Variants in PRH1 observed in about 807,000 individuals in gnomAD.
The protein encoded by PRH1 is proline rich protein HaeIII subfamily 1.
Under a neutral mutation model 7.9 loss-of-function variants are expected in PRH1, and 7 were observed. The observed-to-expected ratio is 0.89, with a 90% CI of 0.50 to 1.67. PRH1 has a LOEUF of 1.67. Ranked by LOEUF, PRH1 falls within the 40% of genes most tolerant of loss-of-function variation. The pLI is 0.00. For synonymous variants in PRH1, 45 were observed against 80.8 expected, an observed-to-expected ratio of 0.56 and a Z score of 2.38; for missense variants, 109 against 223.6, an observed-to-expected ratio of 0.49 and a Z score of 3.27.
chr12:11,089,330 A>C (rs1164188922), intron 1 of PRH1, among the ~76,000 whole-genome samples: 1 of 116,080 alleles, frequency 8.6e-6, no homozygotes, highest in African/African-American at 2.9e-5. Context: ...TAAGAAATAG[A>C]AGACTAATGA....
intron 1 of PRH1, among the ~76,000 whole-genome samples, chr12:10,998,226 C>T (rs1409298327): frequency 6.6e-6 from 1 of 152,128 alleles, no homozygotes; most frequent in Non-Finnish European, 1.5e-5. Context: ...TCTTTCATTG[C>T]TTTGCAATTT....
At chr12:11,152,720 T>C (rs1169682521) in intron 1 of PRH1, among the ~76,000 whole-genome samples, 1 of 152,238 alleles carries the variant, frequency 6.6e-6, no homozygotes, top group Non-Finnish European at 1.5e-5. Context: ...CAAAGTATAA[T>C]TTCCATGCCC....
intron 1 of PRH1, among the ~76,000 whole-genome samples, chr12:11,084,191 A>T (rs1944599968): frequency 4.0e-5 from 1 of 25,280 alleles, no homozygotes; most frequent in African/African-American, 6.6e-5. Context: ...GGCTCTTGGG[A>T]TTGTAACGGG....
At chr12:10,930,203 A>T in intron 2 of PRH1, 2 of 1,557,922 alleles carry the variant, frequency 1.3e-6, no homozygotes, top group Non-Finnish European at 1.8e-6. Flanking sequence ...TTATCCTCGT[A>T]GAACACTATG....
intron 1 of PRH1, among the ~76,000 whole-genome samples, chr12:10,999,319 A>G (rs1940464222): frequency 6.6e-6 from 1 of 152,156 alleles, no homozygotes; most frequent in Non-Finnish European, 1.5e-5. Context: ...TAAAACTAGA[A>G]GAAAACTTTT....
chr12:10,932,282 C>T (rs1458110326), intron 2 of PRH1: 1 of 408,622 alleles, frequency 2.4e-6, no homozygotes, highest in Admixed American at 2.4e-5. Flanking sequence ...TGTGATCATG[C>T]TCTAACTTCA....
At chr12:11,102,115 C>G (rs1050210977) in intron 1 of PRH1, among the ~76,000 whole-genome samples, 22 of 152,036 alleles carry the variant, frequency 1.4e-4, no homozygotes, top group Non-Finnish European at 1.3e-4. Context: ...GGCCATACTT[C>G]CCAAGGTAAT....
chr12:10,934,303 C>T (rs1794749106), intron 2 of PRH1, among the ~76,000 whole-genome samples: 1 of 152,120 alleles, frequency 6.6e-6, no homozygotes, highest in Non-Finnish European at 1.5e-5. Context: ...AAGATAACTA[C>T]AGCTCCTCTA....
intron 2 of PRH1, among the ~76,000 whole-genome samples, chr12:10,918,002 G>T (rs1351479424): frequency 6.6e-6 from 1 of 152,136 alleles, no homozygotes; most frequent in Non-Finnish European, 1.5e-5. Flanking sequence ...AGAAACATTA[G>T]GTCTTTATAG....
intron 1 of PRH1, among the ~76,000 whole-genome samples, chr12:11,011,411 C>T (rs1357127192): frequency 6.6e-6 from 1 of 152,086 alleles, no homozygotes; most frequent in African/African-American, 2.4e-5. Context: ...TCTATTCAAA[C>T]ACTATGTCCT....
At chr12:11,129,206 C>T (rs972093180) in intron 1 of PRH1, among the ~76,000 whole-genome samples, 10 of 152,302 alleles carry the variant, frequency 6.6e-5, no homozygotes, top group African/African-American at 2.4e-4. Flanking sequence ...TGAGCCATCA[C>T]ATCCAGCCCG....
At chr12:10,909,344 C>A in intron 2 of PRH1, 1 of 1,371,148 alleles carries the variant, frequency 7.3e-7, no homozygotes, top group Non-Finnish European at 1.0e-6. Context: ...GCTGGTTATT[C>A]ACTGATCTAA....
chr12:11,031,847 T>C (rs1391844726), intron 1 of PRH1, among the ~76,000 whole-genome samples: 2 of 152,216 alleles, frequency 1.3e-5, no homozygotes, highest in African/African-American at 2.4e-5. Context: ...ATTCAGAAAG[T>C]ATAGCTCGCT....
At chr12:10,898,930 G>C (rs558814653) in intron 2 of PRH1, among the ~76,000 whole-genome samples, 11 of 152,340 alleles carry the variant, frequency 7.2e-5, no homozygotes, top group African/African-American at 2.6e-4. Context: ...AGACCACTAA[G>C]AGTGAAGTCT....
intron 2 of PRH1, chr12:10,932,250 T>C (rs1950224368): frequency 2.3e-6 from 1 of 436,056 alleles, no homozygotes; most frequent in South Asian, 1.6e-5. Flanking sequence ...GATGACAGTG[T>C]TTCAAATGCC....
intron 1 of PRH1, among the ~76,000 whole-genome samples, chr12:11,126,202 T>C (rs1946122839): frequency 6.6e-6 from 1 of 152,274 alleles, no homozygotes; most frequent in Non-Finnish European, 1.5e-5. Flanking sequence ...TACACCTTCT[T>C]GTTGATATCA....
chr12:11,124,845 A>T (rs759562634), intron 1 of PRH1, among the ~76,000 whole-genome samples: 1 of 151,970 alleles, frequency 6.6e-6, no homozygotes, highest in East Asian at 1.9e-4. Context: ...TCATGGATTT[A>T]CGATTTTTTT....
chr12:10,998,529 AACAC>A (rs1482428297), intron 1 of PRH1, among the ~76,000 whole-genome samples: 1 of 152,038 alleles, frequency 6.6e-6, no homozygotes, highest in Non-Finnish European at 1.5e-5. Context: ...CAAGCTCATA[AACAC>A]ACACACAGAC....
intron 1 of PRH1, among the ~76,000 whole-genome samples, chr12:11,138,349 T>C (rs1367039095): frequency 6.6e-6 from 1 of 152,190 alleles, no homozygotes; most frequent in Non-Finnish European, 1.5e-5. Flanking sequence ...TCAAAGATCA[T>C]GCTAAATATG....
Sources: gnomAD v4.1 joint callset for allele counts (sites outside exome capture counted in the v4.1 genomes callset) on GRCh38, gnomAD v4.1.1 for gene constraint, MANE v1.5 for transcripts, NCBI Gene and HGNC (gene_info 2026-07-23, HGNC 2026-07-21) for gene names.